The following SOX10 variants were observed in gnomAD, a reference collection of about 807,000 sequenced individuals.
The protein encoded by SOX10 is SRY-box transcription factor 10.
In SOX10, 3 loss-of-function variants were observed where a neutral mutation model predicts 35.0. The ratio of observed to expected loss-of-function variants is 0.09; its 90% CI spans 0.04 to 0.22. SOX10 has a LOEUF of 0.22. Ranked by LOEUF, SOX10 falls within the 10% of genes least tolerant of loss-of-function variation. The pLI is 1.00. For synonymous variants in SOX10, 285 were observed against 291.0 expected, an observed-to-expected ratio of 0.98 and a Z score of 0.21; for missense variants, 436 against 655.1, an observed-to-expected ratio of 0.67 and a Z score of 3.65.
chr22:37,976,198 G>A (rs1348653843), intron 3 of SOX10, among the ~76,000 whole-genome samples: 1 of 152,138 alleles, frequency 6.6e-6, no homozygotes, highest in South Asian at 2.1e-4. Context: ...ACTGCAGCCT[G>A]GGCAACAGAG....
rs377124691 is a variant in SOX10 at position 37,974,878 on chromosome 22, C to T, written c.698-680G>A. ...GCCTACTGTCTTCCTTGCTGAGCCT[C>T]GCTCGCCCAGGCTCCTGAGTGCTCT... is the stretch of plus-strand genomic sequence containing the variant. On this transcript the variant is annotated intron_variant, in intron 3 of 3. Coordinates refer to ENST00000396884, the MANE Select transcript of SOX10 (RefSeq NM_006941.4). The surrounding 1 kb of genome is among the most constrained non-coding windows in gnomAD (Gnocchi z 5.4). 2.6e-5 allele frequency among the ~76,000 whole-genome samples: 4 copies of T among 152,316 alleles called. No homozygotes were observed. The highest frequency in any genetic ancestry group is 7.2e-5 in the African/African-American group (3 of 41,558).
intron 3 of SOX10, among the ~76,000 whole-genome samples, 162 bp downstream of exon 3, chr22:37,977,705 C>T (rs916274865): frequency 6.6e-6 from 1 of 152,172 alleles, no homozygotes; most frequent in Non-Finnish European, 1.5e-5. Context: ...CCCCTGGCAC[C>T]GGAACCCCCA....
Position 37,983,614 on chromosome 22 carries a change from C to G in SOX10, c.171G>C (p.Glu57Asp). 6.2e-7 allele frequency: 1 copy of G among 1,606,918 alleles called. No homozygotes were observed. Among genetic ancestry groups the G allele is most frequent in the Non-Finnish European group, 8.5e-7 (1 of 1,178,870 alleles). The change falls in exon 2 of 4, where the codon GAG becomes GAC. Residue 57 changes from glutamate to aspartate, a missense_variant. By Grantham distance (45) the Glu-to-Asp change is conservative. This residue lies in a region of SOX10 where 97 missense variants were observed against 95.5 expected (regional missense o/e 1.02). Coordinates refer to ENST00000396884, the MANE Select transcript of SOX10 (RefSeq NM_006941.4). The surrounding 1 kb of genome is among the most constrained non-coding windows in gnomAD (Gnocchi z 9.5). ...GPGELGKVKK[E>D]QQDGEADDDK... Reference sequence around the variant, plus strand: ...CATCGTCCGCCTCGCCGTCCTGCTGCTCCTTCTTGACCTTGCCCAGCTCGC... The same window carrying G: ...CATCGTCCGCCTCGCCGTCCTGCTGGTCCTTCTTGACCTTGCCCAGCTCGC...
chr22:37,981,239 T>C lies in SOX10; in HGVS notation c.428+2118A>G, dbSNP rs3026647. On this transcript the variant is annotated intron_variant, in intron 2 of 3. Coordinates refer to ENST00000396884, the MANE Select transcript of SOX10 (RefSeq NM_006941.4). ...TCTTGACATCCCAGGAGTCACAGCT[T>C]GGGGAGGTTTCAGGAGAAGCCCCTG... Among the ~76,000 whole-genome samples the C allele has an allele frequency of 9.9e-3, 1,510 of 152,292 alleles. 29 individuals carry two copies. The highest frequency in any genetic ancestry group is 0.035 in the African/African-American group (1,462 of 41,556).
chr22:37,983,467 C>G lies in SOX10; in HGVS notation c.318G>C (p.Arg106=). ...GASKSKPHVK[R]PMNAFMVWAQ... ...CCCACACCATGAAGGCGTTCATGGG[C>G]CGCTTGACGTGCGGCTTGCTTTTGC... The change falls in exon 2 of 4, where the codon CGG becomes CGC. Residue 106 remains arginine (R), a synonymous_variant. Transcript: ENST00000396884. This position sits in a 1 kb window ranked among gnomAD's most constrained non-coding sequence, Gnocchi z 9.5. 2 of 1,612,372 alleles carry G rather than the reference C, an allele frequency of 1.2e-6. No homozygotes were observed. The highest frequency in any genetic ancestry group is 1.7e-6 in the Non-Finnish European group (2 of 1,179,558).
Position 37,984,017 on chromosome 22 carries a change from T to G in SOX10, c.-84-149A>C. 1 of 312,448 alleles carries G rather than the reference T, an allele frequency of 3.2e-6. No homozygotes were observed. The allele number at this position is 312,448 out of a possible 1,614,324, so 19.4% of individuals were successfully genotyped here. On this transcript the variant is annotated intron_variant, in intron 1 of 3. Transcript: ENST00000396884. This position sits in a 1 kb window ranked among gnomAD's most constrained non-coding sequence, Gnocchi z 4.4. ...TGGGGCCCACGCACATGCCAGACTC[T>G]AGGTGGGTGCGTCCCGCCTCTGTGT...
Position 37,978,062 on chromosome 22 carries a change from G to A in SOX10, c.502C>T (p.His168Tyr). The A allele has an allele frequency of 6.2e-7, 1 of 1,609,906 alleles. No homozygotes were observed. Residue 168 changes from histidine to tyrosine, a missense_variant, in exon 3 of 4, where the codon CAC (histidine) becomes TAC (tyrosine). Transcript: ENST00000396884. This position sits in a 1 kb window ranked among gnomAD's most constrained non-coding sequence, Gnocchi z 5.0. The stretch of plus-strand genomic sequence containing the variant: ...CTGGGCTGGTACTTGTAGTCCGGGT[G>A]GTCTTTCTTGTGCTGCATACGGAGC... The part of the protein sequence containing the change: ...ERLRMQHKKD[H>Y]PDYKYQPRRR...
Position 37,973,797 on chromosome 22 carries a change from G to A in SOX10, c.1099C>T (p.Pro367Ser). The A allele has an allele frequency of 6.3e-7, 1 of 1,595,062 alleles. No individual in the cohort carries two copies. The highest frequency in any genetic ancestry group is 8.6e-7 in the Non-Finnish European group (1 of 1,168,340). ...KTETAGPQGPPHYTDQPSTSQ... is the reference protein window; with the variant it reads ...KTETAGPQGPSHYTDQPSTSQ... ...GTGGATGGCTGGTCGGTGTAGTGTG[G>A]GGGCCCCTGGGGCCCCGCGGTCTCT... Residue 367 changes from proline (P) to serine (S), a missense_variant, in exon 4 of 4, where the codon CCA (proline) becomes TCA (serine). Pro to Ser is a moderately conservative substitution (Grantham distance 74). Coordinates refer to ENST00000396884, the MANE Select transcript of SOX10 (RefSeq NM_006941.4).
rs776714565 is a variant in SOX10, at chr22:37,973,706, C to T, written c.1190G>A (p.Arg397His). 4.4e-6 allele frequency: 7 copies of T among 1,606,566 alleles called. No individual in the cohort carries two copies. Among genetic ancestry groups the T allele is most frequent in the Admixed American group, 1.7e-5 (1 of 59,596 alleles). Reference protein sequence around the residue: ...HYGSAFPSISRPQFDYSDHQP... With the variant: ...HYGSAFPSISHPQFDYSDHQP... ...ATGGTCAGAGTAGTCAAACTGGGGG[C>T]GGGAGATGGAGGGGAAGGCTGAGCC... Residue 397 changes from arginine (R) to histidine (H), a missense_variant, in exon 4 of 4, where the codon CGC becomes CAC. By Grantham distance (29) the Arg-to-His change is conservative (BLOSUM62 0). This residue lies in a region of SOX10 where 285 missense variants were observed against 402.9 expected (regional missense o/e 0.71). Transcript: ENST00000396884.
rs1345037382 is a variant in SOX10 at position 37,980,516 on chromosome 22, A to G, written c.429-2381T>C. Among the ~76,000 whole-genome samples the G allele has an allele frequency of 6.6e-6, 1 of 152,086 alleles. No individual in the cohort carries two copies. The highest frequency in any genetic ancestry group is 1.5e-5 in the Non-Finnish European group (1 of 68,012). On this transcript the variant is annotated intron_variant, in intron 2 of 3. Transcript: ENST00000396884. The surrounding 1 kb of genome is among the most constrained non-coding windows in gnomAD (Gnocchi z 4.1). Reference sequence around the variant, plus strand: ...GAAATCTAAGCCTGGGGCCACTGCCATCCCCGACCCCAGCTCCCTCCTCCA... The same window carrying G: ...GAAATCTAAGCCTGGGGCCACTGCCGTCCCCGACCCCAGCTCCCTCCTCCA...
At chr22:37,979,551 G>A (rs1197765053) in intron 2 of SOX10, among the ~76,000 whole-genome samples, 2 of 151,976 alleles carry the variant, frequency 1.3e-5, no homozygotes, top group East Asian at 3.9e-4. Context: ...CTGGGTGGGG[G>A]GTACTGCCTC....
Position 37,973,852 on chromosome 22 carries a change from A to G in SOX10, c.1044T>C (p.Pro348=), listed in dbSNP as rs1303456895. The stretch of plus-strand genomic sequence containing the variant: ...TCACCTGGGCTTTGGCATCCACACC[A>G]GGTGGTGAGACCGTGGGCAGAGCCA... ...PGVALPTVSP[P]GVDAKAQVKT... Residue 348 remains proline, a synonymous_variant, in exon 4 of 4, where the codon CCT becomes CCC. Transcript: ENST00000396884. 1 of 1,608,108 alleles carries G rather than the reference A, an allele frequency of 6.2e-7. No individual in the cohort carries two copies. Among genetic ancestry groups the G allele is most frequent in the East Asian group, 2.2e-5 (1 of 44,750 alleles).
chr22:37,982,168 T>C (rs1287946899), intron 2 of SOX10, among the ~76,000 whole-genome samples: 1 of 152,120 alleles, frequency 6.6e-6, no homozygotes, highest in Non-Finnish European at 1.5e-5. Context: ...CCTCAAAGTG[T>C]AGGTGATCCA....
intron 2 of SOX10, among the ~76,000 whole-genome samples, chr22:37,981,483 G>A (rs1419724904): frequency 6.6e-6 from 1 of 152,234 alleles, no homozygotes; most frequent in East Asian, 1.9e-4. Context: ...CCAAGAATAA[G>A]TCCTCCTGAA....
chr22:37,983,226 G>C lies in SOX10; in HGVS notation c.428+131C>G. The C allele has an allele frequency of 8.9e-7, 1 of 1,123,604 alleles. No individual in the cohort carries two copies. The highest frequency in any genetic ancestry group is 1.3e-5 in the South Asian group (1 of 74,798). 69.6% of individuals were successfully genotyped at this position (1,123,604 alleles called of 1,614,324 possible). A position where few individuals can be genotyped will look rare whatever the true frequency, so the allele number is the denominator to read the frequency against. ...AGGGCGGGCGCGGCCCCCACACCTG[G>C]TCTTCCAGCCCTATCCAAGGAGGAC... On this transcript the variant is annotated intron_variant, in intron 2 of 3. Coordinates refer to ENST00000396884, the MANE Select transcript of SOX10 (RefSeq NM_006941.4). The surrounding 1 kb of genome is among the most constrained non-coding windows in gnomAD (Gnocchi z 9.5).
At chr22:37,982,000 C>T (rs1483195939) in intron 2 of SOX10, among the ~76,000 whole-genome samples, 1 of 152,192 alleles carries the variant, frequency 6.6e-6, no homozygotes, top group Non-Finnish European at 1.5e-5. Context: ...TTCTACCACT[C>T]TAAGCCTCTA....
Position 37,978,409 on chromosome 22 carries a change from TGAG to T in SOX10, c.429-277_429-275del, listed in dbSNP as rs1932291547. Among the ~76,000 whole-genome samples, 1 of 152,204 alleles carries T rather than the reference TGAG, an allele frequency of 6.6e-6. No individual in the cohort carries two copies. Among genetic ancestry groups the T allele is most frequent in the Non-Finnish European group, 1.5e-5 (1 of 68,032 alleles). ...TCAGCCCGCTGCTCCTGGCAGCCCC[TGAG>T]GAGGAGTTAGAAGTAGGAGTAGAGG... On this transcript the variant is annotated intron_variant, in intron 2 of 3. Transcript: ENST00000396884. The surrounding 1 kb of genome is among the most constrained non-coding windows in gnomAD (Gnocchi z 5.0).
Position 37,978,141 on chromosome 22 carries a change from G to T in SOX10, c.429-6C>A, listed in dbSNP as rs985410653. On this transcript the variant is annotated splice_polypyrimidine_tract_variant and splice_region_variant and intron_variant, in intron 2 of 3. Transcript: ENST00000396884. The surrounding 1 kb of genome is among the most constrained non-coding windows in gnomAD (Gnocchi z 5.0). ...TGTCACTTTCGTTCAGCAGCCTGGG[G>T]TGTGGTGGGAGGCGGAGAGGACAGC... 1.9e-6 allele frequency: 3 copies of T among 1,555,052 alleles called. No individual in the cohort carries two copies. The highest frequency in any genetic ancestry group is 2.6e-6 in the Non-Finnish European group (3 of 1,151,062).
chr22:37,974,316 G>T lies in SOX10; in HGVS notation c.698-118C>A. ...CAGCGGGTGCCTCTGGGAAAACCTT[G>T]TAAGTTTCACATTTTGGCAGCATGA... On this transcript the variant is annotated intron_variant, in intron 3 of 3. Coordinates refer to ENST00000396884, the MANE Select transcript of SOX10 (RefSeq NM_006941.4). This position sits in a 1 kb window ranked among gnomAD's most constrained non-coding sequence, Gnocchi z 5.4. The T allele has an allele frequency of 1.4e-6, 1 of 731,462 alleles. No individual in the cohort carries two copies. The highest frequency in any genetic ancestry group is 2.3e-6 in the Non-Finnish European group (1 of 442,492). The allele number at this position is 731,462 out of a possible 1,614,324, so 45.3% of individuals were successfully genotyped here. A position where few individuals can be genotyped will look rare whatever the true frequency, so the allele number is the denominator to read the frequency against.
Sources: allele counts gnomAD v4.1 joint callset (sites outside exome capture counted in the v4.1 genomes callset), GRCh38; gene constraint gnomAD v4.1.1; regional missense constraint gnomAD v4.1.1; non-coding constraint Gnocchi (gnomAD v3.1); transcripts MANE v1.5; gene names NCBI Gene and HGNC (gene_info 2026-07-23, HGNC 2026-07-21).